Variants in TRHDE observed in about 807,000 individuals in gnomAD.
TRHDE encodes the protein thyrotropin-releasing hormone-degrading ectoenzyme.
In TRHDE, 72 loss-of-function variants were observed where a neutral mutation model predicts 125.7. The observed-to-expected ratio is 0.57, with a 90% CI of 0.47 to 0.70. The LOEUF (loss-of-function observed/expected upper bound fraction) is 0.70. Among genes scored for constraint, TRHDE ranks in the 30% least tolerant of loss-of-function variants. TRHDE has a pLI of 0.00. For missense variants in TRHDE, 1,110 were observed against 1,327.1 expected (o/e 0.84, Z 2.54); for synonymous variants, 509 against 509.1 (o/e 1.00, Z 0.00).
intron 5 of TRHDE, among the ~76,000 whole-genome samples, chr12:72,480,653 GA>G (rs1395714104): frequency 1.3e-5 from 2 of 152,050 alleles, no homozygotes; most frequent in African/African-American, 4.8e-5. Flanking sequence ...TTTCTAAGAA[GA>G]AAACACTTAC....
rs1875154395 is a variant in TRHDE, at chr12:72,667,614, C to T, written c.*4419C>T. On this transcript the variant is annotated 3_prime_UTR_variant, in exon 19 of 19. Coordinates refer to ENST00000261180, the MANE Select transcript of TRHDE (RefSeq NM_013381.3). ...GGGCAACAGGAAAAATAATTCCTTG[C>T]TACAGACGGGAAGTCAATCATTTTT... 6.6e-6 allele frequency: 1 copy of T among 151,650 alleles called. No homozygotes were observed. Among genetic ancestry groups the T allele is most frequent in the Admixed American group, 6.6e-5 (1 of 15,178 alleles). 9.4% of individuals were successfully genotyped at this position (151,650 alleles called of 1,614,324 possible).
intron 2 of TRHDE, among the ~76,000 whole-genome samples, chr12:72,242,396 A>T (rs1433711807): frequency 1.3e-5 from 2 of 152,180 alleles, no homozygotes; most frequent in African/African-American, 2.4e-5. Context: ...CTAGAGAGAG[A>T]AAAAATTAGT....
chr12:72,453,299 T>G lies in TRHDE; in HGVS notation c.1316-16459T>G, dbSNP rs191737394. 3.9e-5 allele frequency among the ~76,000 whole-genome samples: 6 copies of G among 152,278 alleles called. No homozygotes were observed. In the East Asian group the frequency reaches 1.2e-3, roughly 29 times the overall value. On this transcript the variant is annotated intron_variant, in intron 3 of 18. Transcript: ENST00000261180. ...CTAAGCAAAGAACTTGGTTGGATTG[T>G]GTAAATGCCCTAGGGATATGTGGAA... is the stretch of plus-strand genomic sequence containing the variant.
rs1275331109 is a variant in TRHDE at position 72,663,124 on chromosome 12, G to C, written c.3139G>C (p.Ala1047Pro). 1.2e-6 allele frequency: 2 copies of C among 1,613,110 alleles called. No homozygotes were observed. Among genetic ancestry groups the C allele is most frequent in the Non-Finnish European group, 8.5e-7 (1 of 1,179,546 alleles). Residue 1047 changes from alanine (A) to proline (P), a missense_variant, in exon 19 of 19, where the codon GCC (alanine) becomes CCC (proline). This residue lies in a region of TRHDE where 527 missense variants were observed against 651.8 expected (regional missense o/e 0.81). Coordinates refer to ENST00000261180, the MANE Select transcript of TRHDE (RefSeq NM_013381.3). ...CTCACGAGCTGTGGAAACTGTCGAA[G>C]CCAATGTGCGCTGGAAAATGCTTTA... ...SFSRAVETVE[A>P]NVRWKMLYQD...
At chr12:72,316,196 A>G (rs1868794205) in intron 2 of TRHDE, among the ~76,000 whole-genome samples, 1 of 152,200 alleles carries the variant, frequency 6.6e-6, no homozygotes, top group African/African-American at 2.4e-5. Context: ...AGCATTATAC[A>G]CATAAATCAA....
Position 72,668,051 on chromosome 12 carries a change from C to A in TRHDE, c.*4856C>A, listed in dbSNP as rs1447818016. ...ATTTGTTGAAATTAGTATATGTGAACTTATGAAAAAATGTTCTTGTAAATT... is the reference window on the plus strand; with the variant it reads ...ATTTGTTGAAATTAGTATATGTGAAATTATGAAAAAATGTTCTTGTAAATT... On this transcript the variant is annotated 3_prime_UTR_variant, in exon 19 of 19. Coordinates refer to ENST00000261180, the MANE Select transcript of TRHDE (RefSeq NM_013381.3). 1.3e-5 allele frequency: 2 copies of A among 151,446 alleles called. No individual in the cohort carries two copies. Among genetic ancestry groups the A allele is most frequent in the Non-Finnish European group, 3.0e-5 (2 of 67,716 alleles). The allele number at this position is 151,446 out of a possible 1,614,324, so 9.4% of individuals were successfully genotyped here. A position where few individuals can be genotyped will look rare whatever the true frequency, so the allele number is the denominator to read the frequency against.
chr12:72,661,709 A>G (rs1230995543), intron 18 of TRHDE, among the ~76,000 whole-genome samples: 1 of 152,154 alleles, frequency 6.6e-6, no homozygotes, highest in African/African-American at 2.4e-5. Context: ...AATGTCTGCA[A>G]CATTAATATT....
intron 2 of TRHDE, among the ~76,000 whole-genome samples, chr12:72,374,387 C>T (rs1871778816): frequency 6.8e-6 from 1 of 148,034 alleles, no homozygotes; most frequent in Non-Finnish European, 1.5e-5. Context: ...GTTAGATCTC[C>T]AAGTAGAAAT....
At chr12:72,259,697 G>A (rs1878902959) in intron 2 of TRHDE, among the ~76,000 whole-genome samples, 1 of 152,112 alleles carries the variant, frequency 6.6e-6, no homozygotes, top group Non-Finnish European at 1.5e-5. Context: ...TTAGGAAAGT[G>A]GACTCCCTGT....
intron 5 of TRHDE, among the ~76,000 whole-genome samples, chr12:72,487,610 T>C (rs1877474085): frequency 1.3e-5 from 2 of 152,156 alleles, no homozygotes; most frequent in Admixed American, 1.3e-4. Flanking sequence ...ATGAATATAT[T>C]ACCACTATAC....
intron 3 of TRHDE, among the ~76,000 whole-genome samples, chr12:72,381,905 T>C (rs115037078): frequency 0.01 from 1,580 of 152,224 alleles, 23 homozygotes; most frequent in African/African-American, 0.036. Flanking sequence ...AGGTAGACAG[T>C]TGAATTTATA....
chr12:72,553,851 T>C (rs1869793979), intron 7 of TRHDE, among the ~76,000 whole-genome samples: 1 of 125,806 alleles, frequency 7.9e-6, no homozygotes, highest in African/African-American at 2.7e-5. Flanking sequence ...TTTTCCTTCT[T>C]TTTTTTTTTT....
intron 2 of TRHDE, among the ~76,000 whole-genome samples, chr12:72,317,848 A>G (rs1435299459): frequency 6.6e-6 from 1 of 152,164 alleles, no homozygotes; most frequent in African/African-American, 2.4e-5. Context: ...TTTGGGAAAC[A>G]GTGCTGTGGT....
At chr12:72,473,269 A>T in intron 5 of TRHDE, 89 bp downstream of exon 5, 1 of 882,854 alleles carries the variant, frequency 1.1e-6, no homozygotes, top group East Asian at 2.6e-5. Flanking sequence ...ATGACTAAAA[A>T]TACCAACTGA....
intron 7 of TRHDE, among the ~76,000 whole-genome samples, chr12:72,551,769 AT>A (rs1307623632): frequency 5.3e-5 from 8 of 152,030 alleles, no homozygotes; most frequent in Non-Finnish European, 8.8e-5. Context: ...AAATAAATAT[AT>A]TTTTTTGCTC....
chr12:72,356,216 A>C (rs1049994542), intron 2 of TRHDE, among the ~76,000 whole-genome samples: 3 of 151,700 alleles, frequency 2.0e-5, no homozygotes, highest in African/African-American at 7.2e-5. Context: ...CCATAAAAAC[A>C]ATGAGATCTT....
intron 6 of TRHDE, among the ~76,000 whole-genome samples, chr12:72,520,067 G>A (rs555178568): frequency 2.6e-5 from 4 of 152,344 alleles, no homozygotes; most frequent in African/African-American, 9.6e-5. Flanking sequence ...GGACACTTAA[G>A]TCTGCAGAGG....
intron 12 of TRHDE, among the ~76,000 whole-genome samples, chr12:72,604,224 A>G (rs1872333915): frequency 6.6e-6 from 1 of 152,206 alleles, no homozygotes. Flanking sequence ...TAAACAAACT[A>G]CAGACAAATC....
chr12:72,111,124 G>A (rs936452981), intron 2 of TRHDE, among the ~76,000 whole-genome samples: 1 of 152,152 alleles, frequency 6.6e-6, no homozygotes, highest in Non-Finnish European at 1.5e-5. Context: ...AGTTACTGGA[G>A]TCCCTCTTTA....
Sources: allele counts gnomAD v4.1 joint callset (sites outside exome capture counted in the v4.1 genomes callset), GRCh38; gene constraint gnomAD v4.1.1; regional missense constraint gnomAD v4.1.1; transcripts MANE v1.5; gene names NCBI Gene and HGNC (gene_info 2026-07-23, HGNC 2026-07-21).